The following DNAH8 variants were observed in gnomAD, a reference collection of about 807,000 sequenced individuals.
DNAH8 encodes dynein axonemal heavy chain 8, also known as axonemal beta dynein heavy chain 8.
A neutral mutation model predicts 562.1 loss-of-function variants in DNAH8; 382 were observed. The ratio of observed to expected loss-of-function variants is 0.68; its 90% CI spans 0.63 to 0.74. The LOEUF (loss-of-function observed/expected upper bound fraction) is 0.74, where lower values mean the gene tolerates loss of function less well. DNAH8 is among the 30% of genes least tolerant of loss of function. The pLI is 0.00. For synonymous variants in DNAH8, 1,881 were observed against 1,919.4 expected (o/e 0.98, Z 0.52); for missense variants, 5,203 against 5,620.4 (o/e 0.93, Z 2.37).
At chr6:38,803,855 T>C (rs1019574786) in intron 22 of DNAH8, among the ~76,000 whole-genome samples, 1 of 152,002 alleles carries the variant, frequency 6.6e-6, no homozygotes, top group African/African-American at 2.4e-5. Flanking sequence ...AGATAAATGG[T>C]ACCCAGTTGA....
At chr6:38,817,261 C>T (rs1249106401) in intron 26 of DNAH8, among the ~76,000 whole-genome samples, 1 of 152,146 alleles carries the variant, frequency 6.6e-6, no homozygotes, top group African/African-American at 2.4e-5. Context: ...AGGAGAATCA[C>T]TTGAACCAGA....
chr6:38,966,282 T>C (rs1220985959), intron 82 of DNAH8, among the ~76,000 whole-genome samples: 8 of 152,148 alleles, frequency 5.3e-5, no homozygotes, highest in Admixed American at 3.9e-4. Context: ...CTATTGAAAC[T>C]GACTCAAGAA....
At chr6:38,993,449 T>TC (rs1043561941) in intron 88 of DNAH8, among the ~76,000 whole-genome samples, 15 of 151,752 alleles carry the variant, frequency 9.9e-5, no homozygotes, top group Non-Finnish European at 1.9e-4. Flanking sequence ...AGGGTTTTTT[T>TC]CCCCCACATA....
rs1042415435 is a variant in DNAH8 at position 38,956,246 on chromosome 6, T to G, written c.12451+4726T>G. Among the ~76,000 whole-genome samples the G allele has an allele frequency of 2.6e-5, 4 of 152,284 alleles. No individual in the cohort carries two copies. The East Asian group carries it at 7.7e-4, about 29-fold the overall frequency. Reference sequence around the variant, plus strand: ...TCTGTACCCCAGCAGATACCAAGGGTGCCCACTGTCAGCTCTGGTCCCTCC... The same window carrying G: ...TCTGTACCCCAGCAGATACCAAGGGGGCCCACTGTCAGCTCTGGTCCCTCC... On this transcript the variant is annotated intron_variant, in intron 82 of 92. Transcript: ENST00000327475.
chr6:38,737,845 A>T lies in DNAH8; in HGVS notation c.989A>T (p.Lys330Met). 1 of 1,570,926 alleles carries T rather than the reference A, an allele frequency of 6.4e-7. No individual in the cohort carries two copies. Among genetic ancestry groups the T allele is most frequent in the Non-Finnish European group, 8.6e-7 (1 of 1,162,400 alleles). Residue 330 changes from lysine (K) to methionine (M), a missense_variant, in exon 7 of 93, where the codon AAG becomes ATG. Coordinates refer to ENST00000327475, the MANE Select transcript of DNAH8 (RefSeq NM_001206927.2). ...RISIEGTVKLKTIDNVNFSKL... is the reference protein window; with the variant it reads ...RISIEGTVKLMTIDNVNFSKL... ...AGTATTGAGGGAACAGTGAAGTTAAAGACAATAGACAATGTTAATTTTTCC... is the reference window on the plus strand; with the variant it reads ...AGTATTGAGGGAACAGTGAAGTTAATGACAATAGACAATGTTAATTTTTCC...
At position 39,030,364 on chromosome 6, in the gene DNAH8, G is replaced by T; in HGVS notation, c.14096G>T (p.Gly4699Val). Residue 4699 changes from glycine to valine, a missense_variant, in exon 93 of 93, where the codon GGA (glycine) becomes GTA (valine). Physicochemically the swap from Gly to Val is moderately radical, Grantham distance 109. This residue lies in a region of DNAH8 where 1,399 missense variants were observed against 1,518.4 expected (regional missense o/e 0.92). Transcript: ENST00000327475. The stretch of plus-strand genomic sequence containing the variant: ...TCCCCGGATCACTGGATCCTGAGAG[G>T]AGTGGCCCTTTTGTGTGACATCAAG... ...VLSPDHWILRGVALLCDIK is the reference protein window; with the variant it reads ...VLSPDHWILRVVALLCDIK The T allele has an allele frequency of 6.2e-7, 1 of 1,614,116 alleles. No homozygotes were observed. Among genetic ancestry groups the T allele is most frequent in the East Asian group, 2.2e-5 (1 of 44,882 alleles).
chr6:38,980,734 G>A (rs908868360), intron 85 of DNAH8, among the ~76,000 whole-genome samples: 18 of 150,824 alleles, frequency 1.2e-4, no homozygotes, highest in East Asian at 2.1e-4. Flanking sequence ...AGTACTTTAC[G>A]TTTTTAAGAG....
chr6:38,730,199 T>C (rs1305366818), intron 4 of DNAH8, among the ~76,000 whole-genome samples: 8 of 152,232 alleles, frequency 5.3e-5, no homozygotes, highest in Admixed American at 5.2e-4. Context: ...GAAAACATCC[T>C]TGTAGAAATC....
Position 38,929,511 on chromosome 6 carries a change from G to A in DNAH8, c.11119G>A (p.Val3707Met), listed in dbSNP as rs538759323. The A allele has an allele frequency of 1.2e-6, 2 of 1,607,848 alleles. No homozygotes were observed. The highest frequency in any genetic ancestry group is 2.2e-5 in the South Asian group (2 of 89,854). The change falls in exon 75 of 93, where the codon GTG (valine) becomes ATG (methionine). Residue 3707 changes from valine to methionine, a missense_variant and splice_region_variant. By Grantham distance (21) the Val-to-Met change is conservative (BLOSUM62 1). Coordinates refer to ENST00000327475, the MANE Select transcript of DNAH8 (RefSeq NM_001206927.2). Reference sequence around the variant, plus strand: ...AGACCAATGAGTTCTTTCTGTTTAGGTGACATCTCTGAACCATAAATATTT... The same window carrying A: ...AGACCAATGAGTTCTTTCTGTTTAGATGACATCTCTGAACCATAAATATTT... ...KSKEKENDLQ[V>M]TSLNHKYFRT...
At chr6:38,986,989 C>G (rs950358384) in intron 87 of DNAH8, among the ~76,000 whole-genome samples, 1 of 152,258 alleles carries the variant, frequency 6.6e-6, no homozygotes, top group South Asian at 2.1e-4. Context: ...GCACCAGAAA[C>G]AGAGCCCAAC....
chr6:38,900,591 G>A (rs1780006462), intron 62 of DNAH8, among the ~76,000 whole-genome samples: 1 of 151,790 alleles, frequency 6.6e-6, no homozygotes, highest in Non-Finnish European at 1.5e-5. Flanking sequence ...GCTCCCACTT[G>A]GCATTGTGTG....
At chr6:39,021,323 G>A (rs531357366) in intron 91 of DNAH8, among the ~76,000 whole-genome samples, 1 of 142,812 alleles carries the variant, frequency 7.0e-6, no homozygotes, top group South Asian at 2.4e-4. Context: ...ATCAGAACAT[G>A]CACTTTTAGT....
chr6:39,030,059 C>T, intron 92 of DNAH8, 46 bp from the exon 93 acceptor site: 1 of 1,513,672 alleles, frequency 6.6e-7, no homozygotes, highest in Non-Finnish European at 9.0e-7. Context: ...TTTGCAGCAC[C>T]TAGTTTAAAA....
In DNAH8 at chr6:38,737,814, A is replaced by G. The variant is rs757946681; in HGVS notation, c.958A>G (p.Arg320Gly). Residue 320 changes from arginine (R) to glycine (G), a missense_variant, in exon 7 of 93, where the codon AGA becomes GGA. Physicochemically the swap from Arg to Gly is moderately radical, Grantham distance 125. Around this residue, in one of 6 missense-constraint regions of DNAH8, gnomAD observed 556 missense variants for 496.9 expected, o/e 1.12. Transcript: ENST00000327475. Reference sequence around the variant, plus strand: ...GTCTTTTTTTTCCTTTTTAGGTGCTAGAATAAGTATTGAGGGAACAGTGAA... The same window carrying G: ...GTCTTTTTTTTCCTTTTTAGGTGCTGGAATAAGTATTGAGGGAACAGTGAA... ...NRYLSFLDGA[R>G]ISIEGTVKLK... is the part of the protein sequence containing the mutation. The G allele has an allele frequency of 3.8e-5, 56 of 1,487,526 alleles. No homozygotes were observed. The highest frequency in any genetic ancestry group is 4.7e-5 in the Non-Finnish European group (53 of 1,121,148). The allele number at this position is 1,487,526 out of a possible 1,614,324, so 92.1% of individuals were successfully genotyped here. A position where few individuals can be genotyped will look rare whatever the true frequency, so the allele number is the denominator to read the frequency against.
At chr6:38,722,503 G>A (rs1762831375) in intron 1 of DNAH8, among the ~76,000 whole-genome samples, 1 of 151,948 alleles carries the variant, frequency 6.6e-6, no homozygotes, top group Non-Finnish European at 1.5e-5. Flanking sequence ...GATGGGATGT[G>A]TGTGGAGGGA....
intron 85 of DNAH8, among the ~76,000 whole-genome samples, chr6:38,981,646 T>C (rs1450559330): frequency 6.6e-6 from 1 of 152,216 alleles, no homozygotes; most frequent in Non-Finnish European, 1.5e-5. Flanking sequence ...ATAATCCAAC[T>C]GAAAAAATTC....
intron 79 of DNAH8, among the ~76,000 whole-genome samples, chr6:38,942,652 G>A (rs568347230): frequency 3.9e-5 from 6 of 152,300 alleles, no homozygotes; most frequent in African/African-American, 1.2e-4. Flanking sequence ...TGCAGACAAA[G>A]GACCAATGCC....
chr6:38,972,252 A>G (rs1213752631), intron 83 of DNAH8, among the ~76,000 whole-genome samples: 2 of 152,200 alleles, frequency 1.3e-5, no homozygotes, highest in Non-Finnish European at 2.9e-5. Context: ...CCATTTATAA[A>G]AATAAAATAA....
At position 38,851,535 on chromosome 6, in the gene DNAH8, A is replaced by T. The variant is rs547146387; in HGVS notation, c.5364-37A>T. 87 of 1,386,050 alleles carry T rather than the reference A, an allele frequency of 6.3e-5. No individual in the cohort carries two copies. The South Asian group carries it at 9.8e-4, about 16-fold the overall frequency. 85.9% of individuals were successfully genotyped at this position (1,386,050 alleles called of 1,614,324 possible). A position where few individuals can be genotyped will look rare whatever the true frequency, so the allele number is the denominator to read the frequency against. On this transcript the variant is annotated intron_variant, in intron 38 of 92. Transcript: ENST00000327475. ...AAAAAATAATAATTTAGGGGAAAAA[A>T]AACCACTTGGTAACATACTGTCGAC...
Sources: allele counts gnomAD v4.1 joint callset (sites outside exome capture counted in the v4.1 genomes callset), GRCh38; gene constraint gnomAD v4.1.1; regional missense constraint gnomAD v4.1.1; transcripts MANE v1.5; gene names NCBI Gene and HGNC (gene_info 2026-07-23, HGNC 2026-07-21).